NOL4: variants seen among roughly 807,000 people sequenced by gnomAD.
NOL4 encodes cancer/testis antigen 125.
Under a neutral mutation model 75.9 loss-of-function variants are expected in NOL4, and 17 were observed. That is an observed-to-expected ratio of 0.22 (90% CI 0.15 to 0.34). The LOEUF (loss-of-function observed/expected upper bound fraction) is 0.34. Among genes scored for constraint, NOL4 ranks in the 10% least tolerant of loss-of-function variants. The pLI, the probability that NOL4 is intolerant of heterozygous loss-of-function variation, is 1.00. For synonymous variants in NOL4, 292 were observed against 289.9 expected (o/e 1.01, Z -0.07); for missense variants, 614 against 793.5 (o/e 0.77, Z 2.72).
chr18:33,902,181 A>G (rs963966227), intron 9 of NOL4, among the ~76,000 whole-genome samples: 3 of 152,070 alleles, frequency 2.0e-5, no homozygotes, highest in African/African-American at 7.2e-5. Context: ...GGAATTATTT[A>G]TAATAGTTCT....
intron 6 of NOL4, among the ~76,000 whole-genome samples, chr18:33,973,816 G>T (rs2071271538): frequency 6.6e-6 from 1 of 152,206 alleles, no homozygotes; most frequent in South Asian, 2.1e-4. Flanking sequence ...GCTGTACACA[G>T]ATGGGCTGTC....
intron 9 of NOL4, among the ~76,000 whole-genome samples, chr18:33,926,633 G>A (rs1413027553): frequency 2.0e-5 from 3 of 152,178 alleles, no homozygotes; most frequent in Admixed American, 1.3e-4. Flanking sequence ...ACGGAGTCTC[G>A]CTCTGTCACC....
chr18:33,919,161 G>A (rs182179317), intron 9 of NOL4, among the ~76,000 whole-genome samples: 19 of 152,248 alleles, frequency 1.2e-4, no homozygotes, highest in African/African-American at 3.6e-4. Flanking sequence ...CCTAATGAGC[G>A]TGTCATCTTT....
chr18:34,112,368 C>G (rs1247557768), intron 2 of NOL4, among the ~76,000 whole-genome samples: 1 of 149,900 alleles, frequency 6.7e-6, no homozygotes, highest in South Asian at 2.1e-4. Flanking sequence ...GACTGTCCCC[C>G]CCCAAAAAAA....
Position 34,223,233 on chromosome 18 carries a change from C to T in NOL4, c.21G>A (p.Met7Ile). 6.2e-7 allele frequency: 1 copy of T among 1,613,992 alleles called. No individual in the cohort carries two copies. The highest frequency in any genetic ancestry group is 1.1e-5 in the South Asian group (1 of 91,092). Residue 7 changes from methionine (M) to isoleucine (I), a missense_variant, in exon 1 of 11, where the codon ATG becomes ATA. Coordinates refer to ENST00000261592, the MANE Select transcript of NOL4 (RefSeq NM_003787.5). ...GGCACCAGTCCTGGAACTGGCGGTA[C>T]ATGTCGCGCTCGCTCTCCATGTTCC... MESERD[M>I]YRQFQDWCLR... is the part of the protein sequence containing the mutation.
intron 6 of NOL4, among the ~76,000 whole-genome samples, chr18:33,974,813 G>A (rs2071364369): frequency 6.6e-6 from 1 of 152,072 alleles, no homozygotes; most frequent in African/African-American, 2.4e-5. Context: ...ATGAAACAAG[G>A]TGTGCCTGTA....
At chr18:33,858,821 T>A (rs1001137576) in intron 10 of NOL4, among the ~76,000 whole-genome samples, 8 of 152,070 alleles carry the variant, frequency 5.3e-5, no homozygotes, top group Admixed American at 4.6e-4. Flanking sequence ...AATGGGCAGA[T>A]TTTTATAATA....
At chr18:33,988,595 T>A (rs1476338351) in intron 6 of NOL4, among the ~76,000 whole-genome samples, 1 of 151,938 alleles carries the variant, frequency 6.6e-6, no homozygotes, top group Non-Finnish European at 1.5e-5. Context: ...TACTATAGAT[T>A]TGGAGGCAGT....
chr18:34,141,096 G>T (rs1391872057), intron 1 of NOL4, among the ~76,000 whole-genome samples: 2 of 152,026 alleles, frequency 1.3e-5, no homozygotes, highest in Non-Finnish European at 2.9e-5. Context: ...GCTTCAAAGA[G>T]AATAAAATAC....
chr18:33,939,493 C>T (rs896393411), intron 9 of NOL4, among the ~76,000 whole-genome samples: 3 of 151,980 alleles, frequency 2.0e-5, no homozygotes, highest in African/African-American at 7.2e-5. Flanking sequence ...CCTTCACATC[C>T]CTTGTAAGTT....
intron 5 of NOL4, among the ~76,000 whole-genome samples, chr18:34,040,926 A>T (rs1037719082): frequency 1.3e-5 from 2 of 152,028 alleles, no homozygotes; most frequent in African/African-American, 4.8e-5. Context: ...TCAAAATATT[A>T]GAAATGGGTG....
At chr18:34,197,018 G>A (rs2035379878) in intron 1 of NOL4, among the ~76,000 whole-genome samples, 1 of 151,912 alleles carries the variant, frequency 6.6e-6, no homozygotes. Flanking sequence ...TCTTTTAGGA[G>A]TAGAAAATAT....
At chr18:34,072,271 C>G (rs115900826) in intron 5 of NOL4, among the ~76,000 whole-genome samples, 2 of 151,950 alleles carry the variant, frequency 1.3e-5, no homozygotes, top group African/African-American at 4.8e-5. Context: ...CAAAGGCACA[C>G]TATTCAAACC....
chr18:33,878,288 T>A (rs1386717203), intron 10 of NOL4, among the ~76,000 whole-genome samples: 1 of 152,104 alleles, frequency 6.6e-6, no homozygotes, highest in African/African-American at 2.4e-5. Context: ...TCTTTCAAAG[T>A]GTTCTCACTT....
intron 1 of NOL4, among the ~76,000 whole-genome samples, chr18:34,175,738 A>G (rs2146296142): frequency 6.6e-6 from 1 of 152,274 alleles, no homozygotes; most frequent in East Asian, 1.9e-4. Context: ...TTAGATCACT[A>G]TGCTGAGAAA....
intron 1 of NOL4, among the ~76,000 whole-genome samples, chr18:34,145,825 T>A (rs2146038805): frequency 6.6e-6 from 1 of 152,176 alleles, no homozygotes; most frequent in East Asian, 1.9e-4. Context: ...CAGCAATTCA[T>A]TTGCAAAAGC....
chr18:33,869,476 G>A (rs1374277642), intron 10 of NOL4, among the ~76,000 whole-genome samples: 1 of 151,834 alleles, frequency 6.6e-6, no homozygotes, highest in African/African-American at 2.4e-5. Flanking sequence ...AATAATTTAA[G>A]GTAAGGAAGA....
intron 1 of NOL4, among the ~76,000 whole-genome samples, chr18:34,176,305 G>T (rs1266654667): frequency 6.6e-6 from 1 of 151,766 alleles, no homozygotes; most frequent in Non-Finnish European, 1.5e-5. Flanking sequence ...GAATAACAAA[G>T]AAAAGTGAAC....
intron 6 of NOL4, among the ~76,000 whole-genome samples, chr18:33,991,288 A>C (rs754993122): frequency 6.6e-5 from 10 of 152,040 alleles, no homozygotes; most frequent in Non-Finnish European, 1.3e-4. Context: ...CATTTCTTGG[A>C]TCTCTCATGT....
Sources: gnomAD v4.1 joint callset for allele counts (sites outside exome capture counted in the v4.1 genomes callset) on GRCh38, gnomAD v4.1.1 for gene constraint, MANE v1.5 for transcripts, NCBI Gene and HGNC (gene_info 2026-07-23, HGNC 2026-07-21) for gene names.